Variants in HSF2 observed in about 807,000 individuals in gnomAD.
The protein encoded by HSF2 is heat shock transcription factor 2.
In HSF2, 21 loss-of-function variants were observed where a neutral mutation model predicts 65.0. That is an observed-to-expected ratio of 0.32 (90% confidence interval 0.23 to 0.47). HSF2 has a LOEUF of 0.47. Ranked by LOEUF, HSF2 falls within the 20% of genes least tolerant of loss-of-function variation. The pLI is 1.00. For synonymous variants in HSF2, 225 were observed against 219.1 expected (o/e 1.03, Z -0.24); for missense variants, 499 against 628.1 (o/e 0.79, Z 2.20).
chr6:122,427,761 C>T, intron 10 of HSF2, 142 bp from the exon 11 acceptor site: 1 of 444,432 alleles, frequency 2.3e-6, no homozygotes, highest in Non-Finnish European at 4.0e-6. Flanking sequence ...CTGCTTTTCT[C>T]TTTCAAACTT....
Position 122,432,133 on chromosome 6 carries a change from A to G in HSF2, c.1524A>G (p.Glu508=), listed in dbSNP as rs745309172. 1.2e-6 allele frequency: 2 copies of G among 1,614,112 alleles called. No homozygotes were observed. The highest frequency in any genetic ancestry group is 2.2e-5 in the South Asian group (2 of 91,078). ...TTGTTCGCCTGGAGCCATTGACTGAAGCTGAAGCTAGTGAAGCTACACTGT... is the reference window on the plus strand; with the variant it reads ...TTGTTCGCCTGGAGCCATTGACTGAGGCTGAAGCTAGTGAAGCTACACTGT... ...SKLVRLEPLT[E]AEASEATLFY... The change falls in exon 13 of 13, where the codon GAA becomes GAG. Residue 508 remains glutamate, a synonymous_variant. Transcript: ENST00000368455.
chr6:122,414,406 A>G (rs1375729445), intron 4 of HSF2, among the ~76,000 whole-genome samples: 2 of 152,176 alleles, frequency 1.3e-5, no homozygotes, highest in African/African-American at 2.4e-5. Flanking sequence ...CATAACTCAA[A>G]TATCTTCATT....
At chr6:122,407,819 G>T (rs1210583593) in intron 1 of HSF2, among the ~76,000 whole-genome samples, 1 of 152,116 alleles carries the variant, frequency 6.6e-6, no homozygotes, top group East Asian at 1.9e-4. Context: ...TCATAGACCA[G>T]GTGGCTTCAA....
At chr6:122,400,001 A>G (rs2114411938) in intron 1 of HSF2, among the ~76,000 whole-genome samples, 171 bp downstream of exon 1, 1 of 151,860 alleles carries the variant, frequency 6.6e-6, no homozygotes, top group Non-Finnish European at 1.5e-5. Flanking sequence ...TCGCTCGGGG[A>G]GCCGCGGGGG....
chr6:122,427,553 C>T, intron 10 of HSF2, among the ~76,000 whole-genome samples: 1 of 151,580 alleles, frequency 6.6e-6, no homozygotes, highest in Non-Finnish European at 1.5e-5. Context: ...CAACCCTGCA[C>T]ACCACTTAAG....
intron 9 of HSF2, 103 bp downstream of exon 9, chr6:122,423,060 C>T: frequency 1.6e-6 from 2 of 1,229,014 alleles, no homozygotes; most frequent in Non-Finnish European, 2.4e-6. Flanking sequence ...GATGAACCCA[C>T]ATAGTCCACC....
chr6:122,432,403 C>T lies in HSF2; in HGVS notation c.*183C>T. 1 of 566,828 alleles carries T rather than the reference C, an allele frequency of 1.8e-6. No homozygotes were observed. Among genetic ancestry groups the T allele is most frequent in the Non-Finnish European group, 3.1e-6 (1 of 321,374 alleles). 35.1% of individuals were successfully genotyped at this position (566,828 alleles called of 1,614,324 possible). ...TCTTGCAGAGCTTTCAGGTGTTACT[C>T]AGCTGCATAGTTACGCAGATGTAAT... On this transcript the variant is annotated 3_prime_UTR_variant, in exon 13 of 13. Coordinates refer to ENST00000368455, the MANE Select transcript of HSF2 (RefSeq NM_004506.4).
chr6:122,427,824 A>G (rs1774370778), intron 10 of HSF2, 79 bp from the exon 11 acceptor site: 2 of 963,244 alleles, frequency 2.1e-6, no homozygotes, highest in African/African-American at 3.3e-5. Context: ...TTCACCCAAC[A>G]TGGCTGTATA....
intron 10 of HSF2, among the ~76,000 whole-genome samples, chr6:122,425,978 A>G (rs950548200): frequency 2.0e-5 from 3 of 152,038 alleles, no homozygotes; most frequent in African/African-American, 7.2e-5. Context: ...GATTTTCTGT[A>G]GTGGTATTAC....
rs770326197 is a variant in HSF2 at position 122,422,212 on chromosome 6, T to A, written c.744T>A (p.Ile248=). The A allele has an allele frequency of 1.2e-6, 2 of 1,600,424 alleles. No homozygotes were observed. Among genetic ancestry groups the A allele is most frequent in the South Asian group, 2.2e-5 (2 of 90,774 alleles). Residue 248 remains isoleucine (I), a synonymous_variant, in exon 8 of 13, where the codon ATT becomes ATA. Transcript: ENST00000368455. ...PRERISDDII[I]YDVTDDNADE... The stretch of plus-strand genomic sequence containing the variant: ...AGAGGATTTCAGATGACATCATTAT[T>A]TATGATGTTACTGATGATAATGCAG...
intron 11 of HSF2, among the ~76,000 whole-genome samples, chr6:122,428,279 C>T (rs1774381351): frequency 6.6e-6 from 1 of 151,958 alleles, no homozygotes; most frequent in South Asian, 2.1e-4. Context: ...CAGCATTTTA[C>T]ATTCTTATTT....
chr6:122,417,664 C>T (rs45546831), intron 5 of HSF2, among the ~76,000 whole-genome samples: 12 of 152,248 alleles, frequency 7.9e-5, no homozygotes, highest in Admixed American at 3.9e-4. Context: ...AAGTGTTAGA[C>T]GCCTTATCTT....
rs978041998 is a variant in HSF2 at position 122,399,674 on chromosome 6, A to AGCTGCC, written c.-61_-56dup. The AGCTGCC allele has an allele frequency of 1.4e-6, 2 of 1,399,808 alleles. No individual in the cohort carries two copies. The highest frequency in any genetic ancestry group is 2.9e-5 in the African/African-American group (2 of 68,980). 86.7% of individuals were successfully genotyped at this position (1,399,808 alleles called of 1,614,324 possible). ...GGCGTTCTCGGGGAGCTGCTGCCGT[A>AGCTGCC]GCTGCCGCCGCCGCTACCACCGCGT... On this transcript the variant is annotated 5_prime_UTR_variant, in exon 1 of 13. Transcript: ENST00000368455.
chr6:122,401,334 C>T (rs1024256898), intron 1 of HSF2, among the ~76,000 whole-genome samples: 2 of 152,182 alleles, frequency 1.3e-5, no homozygotes, highest in Admixed American at 1.3e-4. Context: ...CAGACTGTTA[C>T]TCAGACACGT....
In HSF2 at chr6:122,423,440, A is replaced by ATT. The variant is rs1188584464; in HGVS notation, c.1071-141_1071-140insTT. Reference sequence around the variant, plus strand: ...AGATTTTCAAGAATTCCTACTCTAGAATAAGATCTCTTAAGATTAAGAACC... The same window carrying ATT: ...AGATTTTCAAGAATTCCTACTCTAGATTATAAGATCTCTTAAGATTAAGAACC... On this transcript the variant is annotated intron_variant, in intron 9 of 12. Transcript: ENST00000368455. The ATT allele has an allele frequency of 5.1e-4, 251 of 495,176 alleles. 3 individuals carry two copies. In the South Asian group the frequency reaches 5.4e-3, roughly 11 times the overall value. The allele number at this position is 495,176 out of a possible 1,614,324, so 30.7% of individuals were successfully genotyped here.
At chr6:122,410,973 A>T (rs1307665430) in intron 1 of HSF2, among the ~76,000 whole-genome samples, 7 of 116,624 alleles carry the variant, frequency 6.0e-5, no homozygotes, top group African/African-American at 9.8e-5. Flanking sequence ...TTGAGTATAT[A>T]CCTAGGAATG....
chr6:122,412,856 C>T, intron 3 of HSF2, 92 bp downstream of exon 3: 2 of 1,152,714 alleles, frequency 1.7e-6, no homozygotes, highest in Non-Finnish European at 2.5e-6. Flanking sequence ...TACAGAAATG[C>T]ACAACTGTTC....
At chr6:122,423,190 G>A (rs1243969388) in intron 9 of HSF2, among the ~76,000 whole-genome samples, 1 of 152,038 alleles carries the variant, frequency 6.6e-6, no homozygotes, top group Non-Finnish European at 1.5e-5. Flanking sequence ...TCCTTTGAGT[G>A]TACATACAGT....
intron 11 of HSF2, among the ~76,000 whole-genome samples, chr6:122,429,359 G>T (rs187731308): frequency 3.0e-4 from 46 of 152,142 alleles, no homozygotes; most frequent in African/African-American, 1.0e-3. Context: ...ACTATAAGCA[G>T]TTAAGCAACA....
Sources: allele counts gnomAD v4.1 joint callset (sites outside exome capture counted in the v4.1 genomes callset), GRCh38; gene constraint gnomAD v4.1.1; transcripts MANE v1.5; gene names NCBI Gene and HGNC (gene_info 2026-07-23, HGNC 2026-07-21).